Variants in EPHA4 observed in about 807,000 individuals in gnomAD.
EPHA4 encodes ephrin type-A receptor 4.
In EPHA4, 19 loss-of-function variants were observed where a neutral mutation model predicts 108.3. That is an observed-to-expected ratio of 0.18 (90% confidence interval 0.12 to 0.26). EPHA4 has a LOEUF of 0.26. Ranked by LOEUF, EPHA4 falls within the 10% of genes least tolerant of loss-of-function variation. The pLI, the probability that EPHA4 is intolerant of heterozygous loss-of-function variation, is 1.00. For synonymous variants in EPHA4, 449 were observed against 455.5 expected, an observed-to-expected ratio of 0.99 and a Z score of 0.18; for missense variants, 917 against 1,254.0, an observed-to-expected ratio of 0.73 and a Z score of 4.06.
At chr2:221,546,926 G>A (rs1224752877) in intron 3 of EPHA4, among the ~76,000 whole-genome samples, 1 of 152,100 alleles carries the variant, frequency 6.6e-6, no homozygotes, top group East Asian at 1.9e-4. Context: ...ATCTGACTCT[G>A]AATAGCTAAG....
At chr2:221,465,427 T>C (rs1478512123) in intron 5 of EPHA4, among the ~76,000 whole-genome samples, 3 of 152,214 alleles carry the variant, frequency 2.0e-5, no homozygotes, top group Admixed American at 2.0e-4. Flanking sequence ...TTTTAAATGA[T>C]AGAATGTGAT....
upstream of EPHA4, chr2:221,573,237 G>A (rs1694903375): frequency 6.6e-6 from 1 of 152,252 alleles, no homozygotes; most frequent in African/African-American, 2.4e-5. The surrounding 1 kb of genome is among the most constrained non-coding windows in gnomAD (Gnocchi z 4.5). Context: ...AGGCAGACCG[G>A]GACTGGGAAG....
chr2:221,437,721 G>A (rs916046458), intron 11 of EPHA4, among the ~76,000 whole-genome samples: 1 of 148,616 alleles, frequency 6.7e-6, no homozygotes, highest in African/African-American at 2.5e-5. Flanking sequence ...AGACAAGCCT[G>A]GCCAACATGG....
Position 221,487,219 on chromosome 2 carries a change from C to G in EPHA4, c.980-4529G>C, listed in dbSNP as rs141327829. ...AAAATATTCTTATTCATTTTGATAA[C>G]TTCCTGATAGTTGCCTAGATAGTTG... On this transcript the variant is annotated intron_variant, in intron 4 of 17. Transcript: ENST00000281821. Among the ~76,000 whole-genome samples, 780 of 152,222 alleles carry G rather than the reference C, an allele frequency of 5.1e-3. 21 individuals are homozygous for G. The highest frequency in any genetic ancestry group is 0.047 in the Admixed American group (726 of 15,288).
intron 3 of EPHA4, among the ~76,000 whole-genome samples, chr2:221,552,185 C>G (rs1045124449): frequency 1.3e-5 from 2 of 152,106 alleles, no homozygotes; most frequent in African/African-American, 4.8e-5. Context: ...AATAAACAAG[C>G]CTATCAAACA....
At chr2:221,479,512 A>T (rs1691756237) in intron 5 of EPHA4, among the ~76,000 whole-genome samples, 1 of 152,214 alleles carries the variant, frequency 6.6e-6, no homozygotes, top group South Asian at 2.1e-4. Flanking sequence ...AGAGTGAGAC[A>T]CCATTGCCTA....
rs1255584338 is a variant in EPHA4, at chr2:221,563,956, A to G, written c.598T>C (p.Phe200Leu). The G allele has an allele frequency of 1.2e-6, 2 of 1,614,096 alleles. No homozygotes were observed. The highest frequency in any genetic ancestry group is 2.2e-5 in the South Asian group (2 of 91,074). The change falls in exon 3 of 18, where the codon TTC becomes CTC. Residue 200 changes from phenylalanine (F) to leucine (L), a missense_variant. By Grantham distance (22) the Phe-to-Leu change is conservative. This residue lies in a region of EPHA4 where 758 missense variants were observed against 1,076.7 expected (regional missense o/e 0.70). Coordinates refer to ENST00000281821, the MANE Select transcript of EPHA4 (RefSeq NM_004438.5). ...ACIALVSVRV[F>L]YKKCPLTVRN... The stretch of plus-strand genomic sequence containing the variant: ...ACTGTGAGTGGACACTTTTTATAGA[A>G]CACACGGACTGATACCAGGGCGATG...
At chr2:221,480,428 G>T (rs1026156404) in intron 5 of EPHA4, among the ~76,000 whole-genome samples, 5 of 152,142 alleles carry the variant, frequency 3.3e-5, no homozygotes, top group Non-Finnish European at 7.3e-5. Flanking sequence ...TTCTCCAGAT[G>T]GTGCAGAAAT....
At chr2:221,521,932 G>A (rs890013506) in intron 3 of EPHA4, among the ~76,000 whole-genome samples, 1 of 152,144 alleles carries the variant, frequency 6.6e-6, no homozygotes, top group Non-Finnish European at 1.5e-5. Context: ...AGCCAAGATT[G>A]TGCCACTGCA....
chr2:221,437,387 G>C (rs1292267508), intron 11 of EPHA4: 3 of 341,876 alleles, frequency 8.8e-6, no homozygotes, highest in African/African-American at 6.3e-5. Flanking sequence ...GGTATCCAGG[G>C]AGCATATGAA....
chr2:221,463,789 G>C (rs1184492477), intron 5 of EPHA4, among the ~76,000 whole-genome samples: 2 of 152,172 alleles, frequency 1.3e-5, no homozygotes, highest in Non-Finnish European at 1.5e-5. Context: ...AAATGGGATG[G>C]AGAAGAGAAG....
intron 3 of EPHA4, among the ~76,000 whole-genome samples, chr2:221,549,729 G>A (rs990784375): frequency 5.3e-5 from 8 of 152,364 alleles, no homozygotes; most frequent in African/African-American, 1.7e-4. Context: ...GCTCACGCCT[G>A]TAATCCCAGC....
chr2:221,491,323 G>A (rs1422642225), intron 4 of EPHA4, among the ~76,000 whole-genome samples: 6 of 152,122 alleles, frequency 3.9e-5, no homozygotes, highest in Non-Finnish European at 8.8e-5. Flanking sequence ...TCCTTGCAAA[G>A]CACTTTTTTG....
intron 3 of EPHA4, among the ~76,000 whole-genome samples, chr2:221,503,692 T>C (rs1267946709): frequency 6.6e-6 from 1 of 152,240 alleles, no homozygotes; most frequent in Non-Finnish European, 1.5e-5. Context: ...TTTGCTTTTA[T>C]AAAACACAGG....
intron 4 of EPHA4, among the ~76,000 whole-genome samples, chr2:221,491,604 C>T (rs1037264525): frequency 1.2e-4 from 18 of 152,108 alleles, no homozygotes; most frequent in Admixed American, 9.2e-4. Flanking sequence ...CAGTTCACCC[C>T]AGAGTTCAAT....
At chr2:221,544,476 C>T (rs545617068) in intron 3 of EPHA4, among the ~76,000 whole-genome samples, 1 of 152,288 alleles carries the variant, frequency 6.6e-6, no homozygotes, top group East Asian at 1.9e-4. Flanking sequence ...CAGGCATGCA[C>T]CACCAGGCCC....
At position 221,506,549 on chromosome 2, in the gene EPHA4, C is replaced by T. The variant is rs115006152; in HGVS notation, c.824-5377G>A. Among the ~76,000 whole-genome samples the T allele has an allele frequency of 2.3e-3, 355 of 152,320 alleles. 1 individual carries two copies. Among genetic ancestry groups the T allele is most frequent in the African/African-American group, 8.2e-3 (342 of 41,574 alleles). Reference sequence around the variant, plus strand: ...CTAATACGCTATAGATCTCTGCTTTCTCTTTTCAAACATGCAGGGTGAAGA... The same window carrying T: ...CTAATACGCTATAGATCTCTGCTTTTTCTTTTCAAACATGCAGGGTGAAGA... On this transcript the variant is annotated intron_variant, in intron 3 of 17. Transcript: ENST00000281821.
chr2:221,524,672 T>G (rs1261866097), intron 3 of EPHA4, among the ~76,000 whole-genome samples: 1 of 152,216 alleles, frequency 6.6e-6, no homozygotes, highest in African/African-American at 2.4e-5. Context: ...CTACATAAGG[T>G]GCAAATATGC....
At chr2:221,480,884 T>A (rs897997136) in intron 5 of EPHA4, among the ~76,000 whole-genome samples, 1 of 152,222 alleles carries the variant, frequency 6.6e-6, no homozygotes, top group Non-Finnish European at 1.5e-5. Context: ...TTTTCACTTA[T>A]AGGATCAATT....
Sources: allele counts gnomAD v4.1 joint callset (sites outside exome capture counted in the v4.1 genomes callset), GRCh38; gene constraint gnomAD v4.1.1; regional missense constraint gnomAD v4.1.1; non-coding constraint Gnocchi (gnomAD v3.1); transcripts MANE v1.5; gene names NCBI Gene and HGNC (gene_info 2026-07-23, HGNC 2026-07-21).